JAZF1: variants seen among roughly 807,000 people sequenced by gnomAD.
JAZF1 encodes juxtaposed with another zinc finger protein 1.
JAZF1 carries 8 observed loss-of-function variants against 26.4 expected under a neutral mutation model. That is an observed-to-expected ratio of 0.30 (90% CI 0.18 to 0.55). JAZF1 has a LOEUF of 0.55. Ranked by LOEUF, JAZF1 falls within the 20% of genes least tolerant of loss-of-function variation. The pLI is 0.94. For synonymous variants in JAZF1, 126 were observed against 122.3 expected (o/e 1.03, Z -0.20); for missense variants, 199 against 322.0 (o/e 0.62, Z 2.92).
intron 1 of JAZF1, among the ~76,000 whole-genome samples, chr7:28,120,498 G>GTTTTTTTTTTTTTTT (rs1345204155): frequency 4.1e-4 from 17 of 41,068 alleles, no homozygotes; most frequent in Admixed American, 2.8e-3. Flanking sequence ...GCCACACACA[G>GTTTTTTTTTTTTTTT]TTCTTTTTTT....
intron 1 of JAZF1, among the ~76,000 whole-genome samples, chr7:28,161,528 T>C (rs530797470): frequency 6.6e-6 from 1 of 152,218 alleles, no homozygotes; most frequent in East Asian, 1.9e-4. Context: ...GTACAGAACA[T>C]GTGCTAATGG....
At chr7:28,120,395 C>T (rs1298428583) in intron 1 of JAZF1, among the ~76,000 whole-genome samples, 3 of 150,070 alleles carry the variant, frequency 2.0e-5, no homozygotes, top group Non-Finnish European at 4.4e-5. Context: ...ATATCAAATG[C>T]TAAAAAGAAG....
chr7:27,985,021 C>A (rs1160372914), intron 2 of JAZF1, among the ~76,000 whole-genome samples: 1 of 152,036 alleles, frequency 6.6e-6, no homozygotes, highest in Non-Finnish European at 1.5e-5. Flanking sequence ...AAAATTGACA[C>A]CTAACATCAC....
intron 1 of JAZF1, among the ~76,000 whole-genome samples, chr7:28,151,671 G>A (rs905897861): frequency 2.0e-5 from 3 of 151,568 alleles, no homozygotes; most frequent in African/African-American, 4.8e-5. Context: ...GCATGATGGC[G>A]CATGCCTGTA....
chr7:27,901,502 C>T (rs1031354459), intron 2 of JAZF1, among the ~76,000 whole-genome samples: 2 of 152,200 alleles, frequency 1.3e-5, no homozygotes, highest in Non-Finnish European at 2.9e-5. Flanking sequence ...ATTGCCACCT[C>T]ACTCCATGGC....
intron 2 of JAZF1, among the ~76,000 whole-genome samples, chr7:27,987,522 C>T (rs553859250): frequency 5.5e-4 from 84 of 151,558 alleles, no homozygotes; most frequent in African/African-American, 2.0e-3. Flanking sequence ...TACGGGAGGT[C>T]GGGGGCAGCC....
chr7:27,945,166 G>A (rs56079286), intron 2 of JAZF1, among the ~76,000 whole-genome samples: 4,569 of 152,136 alleles, frequency 0.03, 92 homozygotes, highest in Non-Finnish European at 0.048. Flanking sequence ...TTCAGGGCCG[G>A]GGTTTAAGCA....
intron 2 of JAZF1, among the ~76,000 whole-genome samples, chr7:27,974,288 T>C (rs147839272): frequency 3.9e-4 from 59 of 151,856 alleles, no homozygotes; most frequent in African/African-American, 1.3e-3. Flanking sequence ...CAAATACAGA[T>C]AGAAAAGCAA....
intron 1 of JAZF1, among the ~76,000 whole-genome samples, chr7:28,133,701 A>G (rs1222510580): frequency 6.6e-6 from 1 of 151,994 alleles, no homozygotes; most frequent in African/African-American, 2.4e-5. Context: ...CACCAACCTC[A>G]CCACAGTCCT....
intron 1 of JAZF1, among the ~76,000 whole-genome samples, chr7:28,136,134 G>T (rs761315912): frequency 1.3e-5 from 2 of 152,208 alleles, no homozygotes. Flanking sequence ...TCGCAGCAGG[G>T]AGTAATTACT....
At chr7:27,936,563 A>T (rs1188516512) in intron 2 of JAZF1, among the ~76,000 whole-genome samples, 1 of 152,250 alleles carries the variant, frequency 6.6e-6, no homozygotes, top group Non-Finnish European at 1.5e-5. Context: ...AGGTAAGCTC[A>T]GCACACACTC....
chr7:28,157,417 G>A lies in JAZF1; in HGVS notation c.115+23046C>T, dbSNP rs796852908. On this transcript the variant is annotated intron_variant, in intron 1 of 4. Transcript: ENST00000283928. ...TTGCAGCACAAAAGCAGTCACAGAC[G>A]GTATAAAAATAAGGAGTATGACTGT... Among the ~76,000 whole-genome samples, 46 of 152,208 alleles carry A rather than the reference G, an allele frequency of 3.0e-4. 1 individual carries two copies. Among genetic ancestry groups the A allele is most frequent in the African/African-American group, 1.1e-3 (46 of 41,536 alleles).
chr7:27,947,053 G>C (rs114078057), intron 2 of JAZF1, among the ~76,000 whole-genome samples: 2 of 152,204 alleles, frequency 1.3e-5, no homozygotes, highest in Non-Finnish European at 2.9e-5. Flanking sequence ...CTGAAGTCTA[G>C]ATCATTTTAT....
rs193282029 is a variant in JAZF1, at chr7:28,125,950, T to A, written c.115+54513A>T. 5.8e-4 allele frequency among the ~76,000 whole-genome samples: 89 copies of A among 152,258 alleles called. 1 individual carries two copies. The East Asian group carries it at 0.014, about 24-fold the overall frequency. On this transcript the variant is annotated intron_variant, in intron 1 of 4. Coordinates refer to ENST00000283928, the MANE Select transcript of JAZF1 (RefSeq NM_175061.4). Reference sequence around the variant, plus strand: ...CCAAGGTTGGTCTCAAGTGTAGTTTTTCAGATGGAACAAGACCTTTGGGTG... The same window carrying A: ...CCAAGGTTGGTCTCAAGTGTAGTTTATCAGATGGAACAAGACCTTTGGGTG...
Position 28,100,424 on chromosome 7 carries a change from C to CAT in JAZF1, c.115+80037_115+80038dup, listed in dbSNP as rs201626359. Among the ~76,000 whole-genome samples the CAT allele has an allele frequency of 5.9e-3, 900 of 151,544 alleles. 6 individuals carry two copies. The highest frequency in any genetic ancestry group is 9.8e-3 in the Non-Finnish European group (667 of 67,890). ...TGTTCAGGTAGAGCATATATATATACATATATATATAATAATAACAAGATA... is the reference window on the plus strand; with the variant it reads ...TGTTCAGGTAGAGCATATATATATACATATATATATATAATAATAACAAGATA... On this transcript the variant is annotated intron_variant, in intron 1 of 4. Coordinates refer to ENST00000283928, the MANE Select transcript of JAZF1 (RefSeq NM_175061.4).
At chr7:27,894,445 C>T (rs556321249) in intron 3 of JAZF1, among the ~76,000 whole-genome samples, 37 of 152,266 alleles carry the variant, frequency 2.4e-4, no homozygotes, top group Middle Eastern at 3.4e-3. Flanking sequence ...TAATGTGGAA[C>T]TGAGGATAAA....
intron 1 of JAZF1, among the ~76,000 whole-genome samples, chr7:28,070,630 C>T (rs186554225): frequency 9.2e-5 from 14 of 152,336 alleles, no homozygotes; most frequent in African/African-American, 3.4e-4. Flanking sequence ...TCATCTAGCT[C>T]TTCTTAGACT....
At chr7:28,161,235 T>C (rs1221373460) in intron 1 of JAZF1, among the ~76,000 whole-genome samples, 1 of 134,320 alleles carries the variant, frequency 7.4e-6, no homozygotes, top group Non-Finnish European at 1.6e-5. Context: ...TTACTTTTTT[T>C]AACTTGAAAA....
chr7:27,905,116 T>G (rs1784229650), intron 2 of JAZF1, among the ~76,000 whole-genome samples: 1 of 141,230 alleles, frequency 7.1e-6, no homozygotes, highest in Non-Finnish European at 1.5e-5. Context: ...GTATTTTTTG[T>G]AGAGCACCAC....
Sources: allele counts gnomAD v4.1 joint callset (sites outside exome capture counted in the v4.1 genomes callset), GRCh38; gene constraint gnomAD v4.1.1; transcripts MANE v1.5; gene names NCBI Gene and HGNC (gene_info 2026-07-23, HGNC 2026-07-21).